Variants in DLC1 observed in about 807,000 individuals in gnomAD.
DLC1 encodes DLC1 Rho GTPase activating protein, also known as rho GTPase-activating protein 7.
Under a neutral mutation model 140.3 loss-of-function variants are expected in DLC1, and 54 were observed. The observed-to-expected ratio is 0.38, with a 90% confidence interval of 0.31 to 0.48. The LOEUF (loss-of-function observed/expected upper bound fraction) is 0.48. Among genes scored for constraint, DLC1 ranks in the 20% least tolerant of loss-of-function variants. DLC1 has a pLI of 0.96. For synonymous variants in DLC1, 986 were observed against 728.1 expected, an observed-to-expected ratio of 1.35 and a Z score of -5.70; for missense variants, 2,536 against 1,907.0, an observed-to-expected ratio of 1.33 and a Z score of -6.14.
At chr8:13,366,966 A>G (rs941455682) in intron 4 of DLC1, among the ~76,000 whole-genome samples, 2 of 152,020 alleles carry the variant, frequency 1.3e-5, no homozygotes, top group African/African-American at 4.8e-5. Context: ...CATGGGGCAC[A>G]CTTTTCAACC....
intron 5 of DLC1, among the ~76,000 whole-genome samples, chr8:13,119,202 T>A (rs1278507945): frequency 1.4e-5 from 2 of 143,072 alleles, no homozygotes; most frequent in Non-Finnish European, 3.0e-5. Context: ...CATTCCAACG[T>A]GAGCAACAGG....
intron 1 of DLC1, among the ~76,000 whole-genome samples, chr8:13,554,486 G>A (rs1803973481): frequency 6.6e-6 from 1 of 152,066 alleles, no homozygotes; most frequent in African/African-American, 2.4e-5. Flanking sequence ...CATCTCAGAG[G>A]TAAAATTTCC....
chr8:13,442,190 G>C (rs956762131), intron 2 of DLC1, among the ~76,000 whole-genome samples: 1 of 152,060 alleles, frequency 6.6e-6, no homozygotes, highest in Non-Finnish European at 1.5e-5. Context: ...TTACACCTTA[G>C]ACAAAAATTC....
At chr8:13,090,034 A>G (rs932012090) in intron 15 of DLC1, among the ~76,000 whole-genome samples, 1 of 152,160 alleles carries the variant, frequency 6.6e-6, no homozygotes, top group African/African-American at 2.4e-5. Flanking sequence ...AAATAGTTGA[A>G]ATCCTCTCCC....
chr8:13,194,101 T>A (rs544148721), intron 5 of DLC1, among the ~76,000 whole-genome samples: 1 of 152,348 alleles, frequency 6.6e-6, no homozygotes, highest in Admixed American at 6.5e-5. Flanking sequence ...AAAATCTGCA[T>A]TCGCTACCCA....
rs748895226 is a variant in DLC1, at chr8:13,499,836, C to T, written c.236G>A (p.Gly79Asp). Residue 79 changes from glycine to aspartate, a missense_variant, in exon 2 of 18, where the codon GGT (glycine) becomes GAT (aspartate). Coordinates refer to ENST00000276297, the MANE Select transcript of DLC1 (RefSeq NM_182643.3). ...ELRDFPGRPM[G>D]HLSKDVDEND... ...TTCGTCCACATCCTTTGAAAGATGA[C>T]CCATTGGCCTCCCAGGAAAATCTCT... The T allele has an allele frequency of 3.7e-6, 6 of 1,613,970 alleles. No individual in the cohort carries two copies. In the East Asian group the frequency reaches 1.3e-4, roughly 36 times the overall value.
chr8:13,336,272 C>A (rs1833807692), intron 4 of DLC1, among the ~76,000 whole-genome samples: 1 of 151,842 alleles, frequency 6.6e-6, no homozygotes, highest in East Asian at 1.9e-4. Context: ...GGTGAAAGTG[C>A]TTGACCCCAA....
At chr8:13,508,279 T>C (rs1323802062) in intron 1 of DLC1, among the ~76,000 whole-genome samples, 1 of 152,218 alleles carries the variant, frequency 6.6e-6, no homozygotes, top group Non-Finnish European at 1.5e-5. Context: ...GCAACCCGCA[T>C]GTAATTTGAG....
intron 4 of DLC1, among the ~76,000 whole-genome samples, chr8:13,383,247 G>C (rs888718752): frequency 2.6e-5 from 4 of 152,184 alleles, no homozygotes; most frequent in Admixed American, 1.3e-4. Flanking sequence ...TTGTTTTTCA[G>C]GATTTGTATA....
At chr8:13,163,193 A>G (rs535347864) in intron 5 of DLC1, among the ~76,000 whole-genome samples, 1 of 152,300 alleles carries the variant, frequency 6.6e-6, no homozygotes, top group South Asian at 2.1e-4. Context: ...TTATAATATT[A>G]CCACACTTCT....
intron 5 of DLC1, among the ~76,000 whole-genome samples, chr8:13,150,225 T>C (rs998015109): frequency 2.0e-5 from 3 of 152,254 alleles, no homozygotes; most frequent in Admixed American, 1.3e-4. Context: ...TACATCTATT[T>C]GTAATGCCCT....
chr8:13,543,091 A>G (rs1490324511), intron 1 of DLC1, among the ~76,000 whole-genome samples: 3 of 152,152 alleles, frequency 2.0e-5, no homozygotes, highest in Non-Finnish European at 4.4e-5. Flanking sequence ...AACTATGAAA[A>G]GGGTCAATTT....
intron 2 of DLC1, among the ~76,000 whole-genome samples, chr8:13,463,389 C>A (rs1176203843): frequency 1.3e-5 from 2 of 152,042 alleles, no homozygotes; most frequent in Non-Finnish European, 2.9e-5. Context: ...AAAAATAAGA[C>A]CTGTTAGGAC....
chr8:13,482,945 C>G (rs1319381298), intron 2 of DLC1, among the ~76,000 whole-genome samples: 1 of 152,196 alleles, frequency 6.6e-6, no homozygotes, highest in Non-Finnish European at 1.5e-5. Context: ...TTTCCTGAGG[C>G]TGCTCTAACA....
chr8:13,234,523 T>C (rs1228232860), intron 5 of DLC1, among the ~76,000 whole-genome samples: 1 of 152,122 alleles, frequency 6.6e-6, no homozygotes, highest in Admixed American at 6.5e-5. Context: ...ACTTAGCCTA[T>C]GAAATCTGAA....
At chr8:13,577,960 A>G (rs1804904062) in intron 1 of DLC1, among the ~76,000 whole-genome samples, 1 of 152,120 alleles carries the variant, frequency 6.6e-6, no homozygotes, top group African/African-American at 2.4e-5. Flanking sequence ...ATAAGGGTGG[A>G]AGCATGAATG....
intron 5 of DLC1, among the ~76,000 whole-genome samples, chr8:13,229,333 C>A (rs1828940436): frequency 6.6e-6 from 1 of 152,084 alleles, no homozygotes. Context: ...AAGCCAGTCA[C>A]AATGGACCAC....
At chr8:13,462,923 C>T (rs180992507) in intron 2 of DLC1, among the ~76,000 whole-genome samples, 7 of 152,104 alleles carry the variant, frequency 4.6e-5, no homozygotes, top group Admixed American at 4.6e-4. Context: ...TTTATTGTTG[C>T]TTATGATGAT....
At chr8:13,453,415 T>TATATAC (rs1799178828) in intron 2 of DLC1, among the ~76,000 whole-genome samples, 1 of 52,122 alleles carries the variant, frequency 1.9e-5, no homozygotes, top group African/African-American at 1.2e-4. Context: ...TATATATATA[T>TATATAC]ATATATATGT....
Sources: allele counts gnomAD v4.1 joint callset (sites outside exome capture counted in the v4.1 genomes callset), GRCh38; gene constraint gnomAD v4.1.1; transcripts MANE v1.5; gene names NCBI Gene and HGNC (gene_info 2026-07-23, HGNC 2026-07-21).